The following SCFD2 variants were observed in gnomAD, a reference collection of about 807,000 sequenced individuals.
SCFD2 encodes the protein sec1 family domain containing 2.
A neutral mutation model predicts 58.9 loss-of-function variants in SCFD2; 54 were observed. The observed-to-expected ratio is 0.92, with a 90% confidence interval of 0.74 to 1.15. SCFD2 has a LOEUF of 1.15. Ranked by LOEUF, SCFD2 falls within the 50% of genes most tolerant of loss-of-function variation. The probability of loss-of-function intolerance (pLI) is 0.00; values close to 1 mark genes in which losing one functional copy is unlikely to be tolerated. For missense variants in SCFD2, 805 were observed against 836.6 expected (o/e 0.96, Z 0.47); for synonymous variants, 321 against 335.9 (o/e 0.96, Z 0.49).
At chr4:53,235,997 T>C (rs1283513707) in intron 4 of SCFD2, among the ~76,000 whole-genome samples, 1 of 152,180 alleles carries the variant, frequency 6.6e-6, no homozygotes, top group African/African-American at 2.4e-5. Flanking sequence ...CTTTGTATTC[T>C]GTGATGGTTA....
chr4:53,182,896 G>GA (rs2148950389), intron 4 of SCFD2, among the ~76,000 whole-genome samples: 1 of 152,040 alleles, frequency 6.6e-6, no homozygotes, highest in South Asian at 2.1e-4. Context: ...AAAAACACAT[G>GA]AAAAAATGCT....
intron 5 of SCFD2, among the ~76,000 whole-genome samples, chr4:53,052,980 GGGAGGCCGA>G (rs1723225012): frequency 2.0e-5 from 3 of 152,140 alleles, no homozygotes; most frequent in Non-Finnish European, 4.4e-5. Context: ...CCAGCACATT[GGGAGGCCGA>G]GGTGGGTGGA....
intron 4 of SCFD2, among the ~76,000 whole-genome samples, chr4:53,256,724 A>C (rs1730649348): frequency 6.6e-6 from 1 of 151,860 alleles, no homozygotes. Flanking sequence ...AAAAAATACG[A>C]AAACCAGTCA....
rs556187700 is a variant in SCFD2, at chr4:53,063,428, A to C, written c.1561+81905T>G. On this transcript the variant is annotated intron_variant, in intron 5 of 8. Transcript: ENST00000401642. ...AAGATATCATAAATACATTTAAAAT[A>C]ATAATTCCCATTTTAAAAGGAGATA... 2.0e-5 allele frequency among the ~76,000 whole-genome samples: 3 copies of C among 152,304 alleles called. No individual in the cohort carries two copies. In the South Asian group the frequency reaches 6.2e-4, roughly 32 times the overall value.
intron 4 of SCFD2, among the ~76,000 whole-genome samples, chr4:53,180,730 A>G (rs1420675339): frequency 6.6e-6 from 1 of 152,192 alleles, no homozygotes; most frequent in African/African-American, 2.4e-5. Context: ...TTTTGAAAAG[A>G]TCAACAAAAT....
intron 6 of SCFD2, among the ~76,000 whole-genome samples, chr4:52,911,281 T>C (rs1202248696): frequency 6.6e-6 from 1 of 152,106 alleles, no homozygotes; most frequent in East Asian, 1.9e-4. Flanking sequence ...GCAGGAGTTA[T>C]GGAGGGATTG....
chr4:53,004,084 C>T (rs1467524474), intron 5 of SCFD2, among the ~76,000 whole-genome samples: 1 of 152,194 alleles, frequency 6.6e-6, no homozygotes, highest in African/African-American at 2.4e-5. Context: ...AGCAAATATG[C>T]TAGTCAGAGC....
intron 7 of SCFD2, among the ~76,000 whole-genome samples, chr4:52,886,582 C>T (rs1031633149): frequency 6.6e-6 from 1 of 152,228 alleles, no homozygotes; most frequent in African/African-American, 2.4e-5. Flanking sequence ...TCTCCTGTGG[C>T]AGGCCCAGGG....
intron 4 of SCFD2, among the ~76,000 whole-genome samples, chr4:53,175,064 C>A (rs143882975): frequency 6.6e-6 from 1 of 152,100 alleles, no homozygotes; most frequent in East Asian, 1.9e-4. Flanking sequence ...TTTTTCTCCC[C>A]CCACAATGGC....
intron 5 of SCFD2, among the ~76,000 whole-genome samples, chr4:52,969,811 A>C (rs1721051529): frequency 6.6e-6 from 1 of 152,166 alleles, no homozygotes. Context: ...GATTATGTTA[A>C]CTGGAGCAAA....
intron 4 of SCFD2, among the ~76,000 whole-genome samples, chr4:53,188,644 A>G (rs1453553358): frequency 6.6e-6 from 1 of 152,158 alleles, no homozygotes; most frequent in Non-Finnish European, 1.5e-5. Context: ...AAGATTCCCA[A>G]AGTAAACAGT....
At chr4:53,341,276 C>T (rs530203036) in intron 2 of SCFD2, among the ~76,000 whole-genome samples, 31 of 152,222 alleles carry the variant, frequency 2.0e-4, no homozygotes, top group African/African-American at 7.5e-4. Flanking sequence ...CCTGGTGGAG[C>T]TGAAAACCAT....
At chr4:53,322,962 G>A (rs1232221330) in intron 2 of SCFD2, among the ~76,000 whole-genome samples, 5 of 152,196 alleles carry the variant, frequency 3.3e-5, no homozygotes, top group South Asian at 2.1e-4. Context: ...AGAAGCAAAT[G>A]TATCTGCCTG....
intron 3 of SCFD2, among the ~76,000 whole-genome samples, chr4:53,296,508 T>C (rs1732038683): frequency 6.6e-6 from 1 of 152,194 alleles, no homozygotes; most frequent in African/African-American, 2.4e-5. Flanking sequence ...TTTTATGGTA[T>C]CTATTTGATT....
At chr4:52,985,829 C>T (rs1246247911) in intron 5 of SCFD2, among the ~76,000 whole-genome samples, 1 of 151,666 alleles carries the variant, frequency 6.6e-6, no homozygotes, top group Non-Finnish European at 1.5e-5. Context: ...GCTGTGTTCA[C>T]CTATTCTTAG....
intron 5 of SCFD2, among the ~76,000 whole-genome samples, chr4:52,934,647 A>G (rs1720091604): frequency 6.6e-6 from 1 of 152,154 alleles, no homozygotes; most frequent in Non-Finnish European, 1.5e-5. Flanking sequence ...GCATGTACTG[A>G]GCTCTTACTG....
intron 5 of SCFD2, among the ~76,000 whole-genome samples, chr4:53,137,640 C>G (rs1349720721): frequency 6.6e-6 from 1 of 152,186 alleles, no homozygotes; most frequent in African/African-American, 2.4e-5. Flanking sequence ...GTTATTCATT[C>G]TCTAGCTTTA....
intron 4 of SCFD2, among the ~76,000 whole-genome samples, chr4:53,157,216 C>T (rs565155857): frequency 6.6e-6 from 1 of 152,296 alleles, no homozygotes; most frequent in African/African-American, 2.4e-5. Flanking sequence ...AATCAAAATG[C>T]TTTCCAAATG....
chr4:53,138,956 A>T (rs1189537844), intron 5 of SCFD2, among the ~76,000 whole-genome samples: 1 of 142,606 alleles, frequency 7.0e-6, no homozygotes, highest in African/African-American at 2.6e-5. Context: ...ATCTCGGCTC[A>T]CTGCAACCTC....
Sources: gnomAD v4.1 joint callset for allele counts (sites outside exome capture counted in the v4.1 genomes callset) on GRCh38, gnomAD v4.1.1 for gene constraint, MANE v1.5 for transcripts, NCBI Gene and HGNC (gene_info 2026-07-23, HGNC 2026-07-21) for gene names.